Variants in EFR3B observed in about 807,000 individuals in gnomAD.
The protein encoded by EFR3B is EFR3 homolog B, also known as protein EFR3 homolog B.
EFR3B carries 64 observed loss-of-function variants against 104.7 expected under a neutral mutation model. The ratio of observed to expected loss-of-function variants is 0.61; its 90% CI spans 0.50 to 0.75. The LOEUF (loss-of-function observed/expected upper bound fraction) is 0.75, where lower values mean the gene tolerates loss of function less well. EFR3B is among the 30% of genes least tolerant of loss of function. EFR3B has a pLI of 0.00. For missense variants in EFR3B, 750 were observed against 1,078.5 expected (o/e 0.70, Z 4.27); for synonymous variants, 385 against 417.9 (o/e 0.92, Z 0.96).
At position 25,143,858 on chromosome 2, in the gene EFR3B, G is replaced by T; in HGVS notation, c.2046G>T (p.Leu682=). ...DRLCLPYIPQ[L]TDEDRLSKRR... ...TCTGCCTGCCCTACATTCCTCAGCTGACAGGTATGAGTTCTGTGCAGGGAT... is the reference window on the plus strand; with the variant it reads ...TCTGCCTGCCCTACATTCCTCAGCTTACAGGTATGAGTTCTGTGCAGGGAT... The change falls in exon 18 of 23, where the codon CTG becomes CTT. Residue 682 remains leucine (L), a synonymous_variant. Transcript: ENST00000403714. The T allele has an allele frequency of 6.4e-7, 1 of 1,551,540 alleles. No homozygotes were observed. Among genetic ancestry groups the T allele is most frequent in the South Asian group, 1.2e-5 (1 of 84,034 alleles).
At chr2:25,077,956 C>G (rs1668682747) in intron 1 of EFR3B, among the ~76,000 whole-genome samples, 1 of 152,174 alleles carries the variant, frequency 6.6e-6, no homozygotes, top group East Asian at 1.9e-4. Context: ...CCAGCTGTCT[C>G]CACCCCTAGT....
At chr2:25,110,396 C>T (rs1225731104) in intron 4 of EFR3B, among the ~76,000 whole-genome samples, 3 of 152,148 alleles carry the variant, frequency 2.0e-5, no homozygotes, top group African/African-American at 7.2e-5. Context: ...GTGATCCTTA[C>T]AAACCTTCCA....
chr2:25,090,676 G>A lies in EFR3B; in HGVS notation c.8-649G>A, dbSNP rs114176037. ...TTTTCAAATTCCACTGTCACACTGC[G>A]TTAAAGATGCATCGTCAAATGTGAA... On this transcript the variant is annotated intron_variant, in intron 1 of 22. Transcript: ENST00000403714. 8.3e-3 allele frequency among the ~76,000 whole-genome samples: 1,271 copies of A among 152,288 alleles called. 22 individuals carry two copies. The highest frequency in any genetic ancestry group is 0.028 in the African/African-American group (1,150 of 41,542).
At chr2:25,051,048 G>A (rs1210405685) in intron 1 of EFR3B, among the ~76,000 whole-genome samples, 1 of 152,142 alleles carries the variant, frequency 6.6e-6, no homozygotes, top group Middle Eastern at 3.2e-3. Flanking sequence ...CCTGCTCTCA[G>A]CTGCCTCCTG....
Position 25,130,096 on chromosome 2 carries a change from A to C in EFR3B, c.757A>C (p.Lys253Gln). The change falls in exon 7 of 23, where the codon AAG becomes CAG. Residue 253 changes from lysine to glutamine, a missense_variant. Physicochemically the swap from Lys to Gln is moderately conservative, Grantham distance 53. Coordinates refer to ENST00000403714, the MANE Select transcript of EFR3B (RefSeq NM_014971.2). The surrounding 1 kb of genome is among the most constrained non-coding windows in gnomAD (Gnocchi z 4.6). ...AAFGNIKNAI[K>Q]PVLIHLDNHS... ...CTTTGGCAACATCAAAAACGCCATC[A>C]AGCCTGTTCTCATGTGAGTGCCCCC... The C allele has an allele frequency of 6.4e-7, 1 of 1,551,810 alleles. No individual in the cohort carries two copies. The highest frequency in any genetic ancestry group is 1.2e-5 in the South Asian group (1 of 84,056).
intron 19 of EFR3B, among the ~76,000 whole-genome samples, chr2:25,148,236 G>A (rs1404160358): frequency 1.3e-5 from 2 of 151,168 alleles, no homozygotes; most frequent in Non-Finnish European, 2.9e-5. Context: ...CTCAGCAGCC[G>A]GGGAGGGCCG....
chr2:25,118,958 C>T (rs1669942011), intron 4 of EFR3B, among the ~76,000 whole-genome samples: 1 of 152,024 alleles, frequency 6.6e-6, no homozygotes, highest in Non-Finnish European at 1.5e-5. Context: ...ACTCCCAAAC[C>T]AGTGAACATT....
At chr2:25,103,883 T>A in intron 4 of EFR3B, 96 bp downstream of exon 4, 1 of 1,445,876 alleles carries the variant, frequency 6.9e-7, no homozygotes, top group Middle Eastern at 2.0e-4. Flanking sequence ...TCATGTTCTG[T>A]TCCTTCTTGG....
At chr2:25,124,688 G>A (rs551216620) in intron 5 of EFR3B, among the ~76,000 whole-genome samples, 20 of 140,564 alleles carry the variant, frequency 1.4e-4, no homozygotes, top group Non-Finnish European at 1.8e-4. Context: ...GCAGTGAGCC[G>A]AGATAGTGCC....
rs560016058 is a variant in EFR3B at position 25,071,152 on chromosome 2, G to C, written c.8-20173G>C. 8.7e-4 allele frequency among the ~76,000 whole-genome samples: 133 copies of C among 152,112 alleles called. 1 individual carries two copies. Among genetic ancestry groups the C allele is most frequent in the African/African-American group, 3.0e-3 (126 of 41,490 alleles). ...ATTTTTTGTATTTTTAGTAGAGACG[G>C]GGTTTCACTGTGTTAGCCAGGATGG... On this transcript the variant is annotated intron_variant, in intron 1 of 22. Coordinates refer to ENST00000403714, the MANE Select transcript of EFR3B (RefSeq NM_014971.2).
intron 1 of EFR3B, among the ~76,000 whole-genome samples, chr2:25,084,445 G>A (rs1002105616): frequency 2.0e-5 from 3 of 152,032 alleles, no homozygotes; most frequent in Non-Finnish European, 4.4e-5. Flanking sequence ...CACCATGTTG[G>A]CCAGGCTGGT....
At chr2:25,090,632 C>T (rs1361288766) in intron 1 of EFR3B, among the ~76,000 whole-genome samples, 1 of 152,226 alleles carries the variant, frequency 6.6e-6, no homozygotes, top group Non-Finnish European at 1.5e-5. Flanking sequence ...AGGCCCTGCC[C>T]AACTCTAAAA....
intron 5 of EFR3B, 76 bp from the exon 6 acceptor site, chr2:25,128,107 T>C: frequency 1.3e-6 from 2 of 1,512,110 alleles, no homozygotes; most frequent in Non-Finnish European, 1.8e-6. Context: ...TAAGCTGTGC[T>C]CTTCTCTTAG....
rs1435707571 is a variant in EFR3B at position 25,121,795 on chromosome 2, G to T, written c.485+1G>T. 4 of 1,551,724 alleles carry T rather than the reference G, an allele frequency of 2.6e-6. No homozygotes were observed. The highest frequency in any genetic ancestry group is 2.6e-6 in the Non-Finnish European group (3 of 1,147,026). ...ATGATGACTTAGAAATCAAGACCAA[G>T]TGAGTAGGGGAAGGCAAGGGTAGTT... On this transcript the variant is annotated splice_donor_variant, in intron 5 of 22. Coordinates refer to ENST00000403714, the MANE Select transcript of EFR3B (RefSeq NM_014971.2). LOFTEE classifies it high-confidence loss of function.
chr2:25,100,972 A>G (rs1669417096), intron 3 of EFR3B, among the ~76,000 whole-genome samples: 1 of 152,160 alleles, frequency 6.6e-6, no homozygotes, highest in Non-Finnish European at 1.5e-5. Context: ...TCCCTTTCCA[A>G]TGAGGTCAGT....
rs1670544525 is a variant in EFR3B, at chr2:25,137,351, A to C, written c.1571A>C (p.Gln524Pro). 1 of 1,552,072 alleles carries C rather than the reference A, an allele frequency of 6.4e-7. No individual in the cohort carries two copies. The highest frequency in any genetic ancestry group is 1.2e-5 in the South Asian group (1 of 84,048). ...DTVFMKKHSQ[Q>P]LYRHIYLSCK... is the part of the protein sequence containing the mutation. ...CGCTCCTGTCCCCAGCACTCCCAGCAGCTCTACAGACACATCTACCTGAGC... is the reference window on the plus strand; with the variant it reads ...CGCTCCTGTCCCCAGCACTCCCAGCCGCTCTACAGACACATCTACCTGAGC... Residue 524 changes from glutamine (Q) to proline (P), a missense_variant, in exon 15 of 23, where the codon CAG becomes CCG. Coordinates refer to ENST00000403714, the MANE Select transcript of EFR3B (RefSeq NM_014971.2). The surrounding 1 kb of genome is among the most constrained non-coding windows in gnomAD (Gnocchi z 4.7).
intron 2 of EFR3B, among the ~76,000 whole-genome samples, chr2:25,092,567 G>A (rs1056300130): frequency 2.0e-5 from 3 of 151,168 alleles, no homozygotes; most frequent in African/African-American, 4.9e-5. Flanking sequence ...TTCTCCCCCC[G>A]AGACGGAGTC....
chr2:25,063,811 C>T (rs1668260881), intron 1 of EFR3B, among the ~76,000 whole-genome samples: 1 of 152,196 alleles, frequency 6.6e-6, no homozygotes, highest in African/African-American at 2.4e-5. Context: ...TGAGGGTCTG[C>T]ATTGGAGGAA....
intron 16 of EFR3B, 93 bp downstream of exon 16, chr2:25,139,283 A>G (rs1436501143): frequency 1.4e-5 from 20 of 1,399,786 alleles, no homozygotes; most frequent in Non-Finnish European, 1.8e-5. Flanking sequence ...CTGTACCTAC[A>G]CTTAGGCAGT....
Sources: gnomAD v4.1 joint callset for allele counts (sites outside exome capture counted in the v4.1 genomes callset) on GRCh38, gnomAD v4.1.1 for gene constraint, Gnocchi (gnomAD v3.1) non-coding constraint, MANE v1.5 for transcripts, NCBI Gene and HGNC (gene_info 2026-07-23, HGNC 2026-07-21) for gene names.